Variants in DNER observed in about 807,000 individuals in gnomAD.
DNER encodes delta and Notch-like epidermal growth factor-related receptor.
A neutral mutation model predicts 78.2 loss-of-function variants in DNER; 33 were observed. That is an observed-to-expected ratio of 0.42 (90% CI 0.32 to 0.56). The LOEUF (loss-of-function observed/expected upper bound fraction) is 0.56. DNER is among the 20% of genes least tolerant of loss of function. The pLI, the probability that DNER is intolerant of heterozygous loss-of-function variation, is 0.11. For synonymous variants in DNER, 417 were observed against 384.8 expected (o/e 1.08, Z -0.98); for missense variants, 918 against 975.3 (o/e 0.94, Z 0.78).
At position 229,366,899 on chromosome 2, in the gene DNER, A is replaced by T. The variant is rs1407795525; in HGVS notation, c.2076T>A (p.Asn692Lys). 6.2e-7 allele frequency: 1 copy of T among 1,614,080 alleles called. No individual in the cohort carries two copies. The highest frequency in any genetic ancestry group is 1.7e-5 in the Admixed American group (1 of 60,010). Residue 692 changes from asparagine (N) to lysine (K), a missense_variant, in exon 12 of 13, where the codon AAT (asparagine) becomes AAA (lysine). Coordinates refer to ENST00000341772, the MANE Select transcript of DNER (RefSeq NM_139072.4). ...NCRSIDSEFS[N>K]AIASIRHARF... ...TGGCATGCCGGATGGATGCAATGGC[A>T]TTGCTGAACTCGCTGTCGATGCTGC...
chr2:229,652,990 G>A (rs188533109), intron 1 of DNER, among the ~76,000 whole-genome samples: 27 of 152,200 alleles, frequency 1.8e-4, no homozygotes, highest in Admixed American at 6.5e-4. Context: ...TCTTCTCCCC[G>A]GAATTTGCTG....
chr2:229,367,270 A>G, intron 11 of DNER, 151 bp from the exon 12 acceptor site: 1 of 1,150,346 alleles, frequency 8.7e-7, no homozygotes, highest in Non-Finnish European at 1.2e-6. Flanking sequence ...CCCAGGGTTA[A>G]TATCCTTACT....
chr2:229,549,139 A>G (rs975900413), intron 4 of DNER, among the ~76,000 whole-genome samples: 1 of 152,182 alleles, frequency 6.6e-6, no homozygotes, highest in African/African-American at 2.4e-5. Flanking sequence ...GATGCATGGA[A>G]AGAAACACAC....
At chr2:229,402,480 T>A (rs1693288568) in intron 10 of DNER, among the ~76,000 whole-genome samples, 1 of 152,238 alleles carries the variant, frequency 6.6e-6, no homozygotes, top group African/African-American at 2.4e-5. Flanking sequence ...ATTGTAATAT[T>A]CTATTGTGAA....
chr2:229,597,011 A>G (rs970534252), intron 1 of DNER, among the ~76,000 whole-genome samples: 3 of 151,502 alleles, frequency 2.0e-5, no homozygotes, highest in Non-Finnish European at 4.4e-5. Context: ...ATATACATGC[A>G]CACACACATG....
At chr2:229,449,932 C>T (rs12474291) in intron 7 of DNER, among the ~76,000 whole-genome samples, 16,685 of 152,152 alleles carry the variant, frequency 0.11, 1,085 homozygotes, top group South Asian at 0.21. Flanking sequence ...CAGGAGGACA[C>T]CACCACGCCT....
At chr2:229,364,885 C>A (rs542334148) in intron 12 of DNER, among the ~76,000 whole-genome samples, 46 of 112,148 alleles carry the variant, frequency 4.1e-4, no homozygotes, top group South Asian at 3.2e-3. Flanking sequence ...GAGTCTTGCT[C>A]TGTCACCCAG....
chr2:229,388,124 T>G, intron 11 of DNER, 141 bp downstream of exon 11: 1 of 1,257,298 alleles, frequency 8.0e-7, no homozygotes, highest in Non-Finnish European at 1.1e-6. Flanking sequence ...TAGCTCCGGT[T>G]GTCCCTCTGG....
intron 3 of DNER, chr2:229,587,077 A>AG: frequency 2.3e-6 from 2 of 865,812 alleles, no homozygotes; most frequent in South Asian, 5.3e-5. Flanking sequence ...GTTTGTTGAG[A>AG]GGAAAAAAAC....
chr2:229,469,148 G>T (rs1010888336), intron 7 of DNER, among the ~76,000 whole-genome samples: 5 of 152,176 alleles, frequency 3.3e-5, no homozygotes, highest in African/African-American at 1.2e-4. Flanking sequence ...GTTTCTACAT[G>T]CCAGATGCTT....
Position 229,595,577 on chromosome 2 carries a change from C to T in DNER, c.277-3689G>A, listed in dbSNP as rs137882680. 8.3e-3 allele frequency among the ~76,000 whole-genome samples: 1,262 copies of T among 152,312 alleles called. 17 individuals are homozygous for T. Among genetic ancestry groups the T allele is most frequent in the Middle Eastern group, 0.027 (8 of 294 alleles). On this transcript the variant is annotated intron_variant, in intron 1 of 12. Transcript: ENST00000341772. ...GATTATAGACATGAGCCACTGTGCC[C>T]AGCCTGTATTCACCAAGTTTTACAG...
chr2:229,673,364 C>T (rs980337491), intron 1 of DNER, among the ~76,000 whole-genome samples: 8 of 152,210 alleles, frequency 5.3e-5, no homozygotes, highest in Non-Finnish European at 1.2e-4. Context: ...CAGAAGTTCT[C>T]CCTTTAATGA....
intron 1 of DNER, among the ~76,000 whole-genome samples, chr2:229,664,886 T>C (rs891542111): frequency 2.6e-5 from 4 of 152,158 alleles, no homozygotes; most frequent in South Asian, 2.1e-4. Flanking sequence ...AGGAAAAAAT[T>C]TGGACCCTGT....
chr2:229,707,236 T>C (rs1379659438), intron 1 of DNER, among the ~76,000 whole-genome samples: 1 of 147,452 alleles, frequency 6.8e-6, no homozygotes, highest in Non-Finnish European at 1.5e-5. Flanking sequence ...GGTTTCACCA[T>C]GTTGGCCAGG....
At chr2:229,568,453 G>A (rs1697154314) in intron 4 of DNER, among the ~76,000 whole-genome samples, 1 of 152,138 alleles carries the variant, frequency 6.6e-6, no homozygotes, top group African/African-American at 2.4e-5. Context: ...TGCAGGCTTT[G>A]GATTCAGGCT....
intron 1 of DNER, among the ~76,000 whole-genome samples, chr2:229,707,528 C>G (rs903911826): frequency 1.3e-5 from 2 of 152,210 alleles, no homozygotes; most frequent in Non-Finnish European, 2.9e-5. Context: ...TGGATCTACT[C>G]CACAAGGCCC....
intron 1 of DNER, among the ~76,000 whole-genome samples, chr2:229,626,829 C>T (rs1015481410): frequency 6.6e-6 from 1 of 152,142 alleles, no homozygotes; most frequent in Non-Finnish European, 1.5e-5. Flanking sequence ...ATTGTCCACA[C>T]AGTAAAGAAG....
intron 1 of DNER, among the ~76,000 whole-genome samples, chr2:229,650,921 T>A (rs190046253): frequency 2.2e-4 from 33 of 152,294 alleles, no homozygotes; most frequent in Non-Finnish European, 4.1e-4. Context: ...ACCCATTGTG[T>A]AGAGGACACA....
chr2:229,513,023 A>T (rs1223138177), intron 5 of DNER, 87 bp from the exon 6 acceptor site: 25 of 1,406,368 alleles, frequency 1.8e-5, no homozygotes, highest in Non-Finnish European at 2.4e-5. Flanking sequence ...TGAAAGAACC[A>T]CTTCCTTTTT....
Sources: gnomAD v4.1 joint callset for allele counts (sites outside exome capture counted in the v4.1 genomes callset) on GRCh38, gnomAD v4.1.1 for gene constraint, MANE v1.5 for transcripts, NCBI Gene and HGNC (gene_info 2026-07-23, HGNC 2026-07-21) for gene names.